The following ANK2 variants were observed in gnomAD, a reference collection of about 807,000 sequenced individuals.
ANK2 encodes the protein ankyrin-2.
ANK2 carries 83 observed loss-of-function variants against 360.5 expected under a neutral mutation model. That is an observed-to-expected ratio of 0.23 (90% CI 0.19 to 0.28). ANK2 has a LOEUF of 0.28. ANK2 is among the 10% of genes least tolerant of loss of function. ANK2 has a pLI of 1.00. For synonymous variants in ANK2, 1,740 were observed against 1,759.5 expected, an observed-to-expected ratio of 0.99 and a Z score of 0.28; for missense variants, 4,201 against 4,795.7, an observed-to-expected ratio of 0.88 and a Z score of 3.66.
rs376550221 is a variant in ANK2, at chr4:113,257,999, G to A, written c.1189-51G>A. On this transcript the variant is annotated intron_variant, in intron 11 of 45. Transcript: ENST00000357077. ...CTGCAATGTGCCAGCATGGAGTTGT[G>A]TGAGAATTGTTTCTGCATGTTTTCA... The A allele has an allele frequency of 1.3e-5, 19 of 1,488,180 alleles. No homozygotes were observed. In the African/African-American group the frequency reaches 2.5e-4, roughly 20 times the overall value. 92.2% of individuals were successfully genotyped at this position (1,488,180 alleles called of 1,614,324 possible).
the ANK2 span, among the ~76,000 whole-genome samples, chr4:112,737,862 A>C: frequency 6.6e-6 from 1 of 152,312 alleles, no homozygotes; most frequent in Non-Finnish European, 1.5e-5. Context: ...TGGAACTGGC[A>C]CAGGACAACT....
intron 1 of ANK2, among the ~76,000 whole-genome samples, chr4:112,865,609 T>C (rs925415390): frequency 6.6e-6 from 1 of 152,026 alleles, no homozygotes; most frequent in African/African-American, 2.4e-5. Flanking sequence ...GGTATGGAGG[T>C]AGGGAACATG....
At chr4:112,898,310 A>G (rs1266396293) in intron 1 of ANK2, among the ~76,000 whole-genome samples, 5 of 152,170 alleles carry the variant, frequency 3.3e-5, no homozygotes, top group Admixed American at 1.3e-4. Context: ...CCAAATTTAT[A>G]TAGTCGTGTC....
intron 17 of ANK2, 136 bp downstream of exon 17, chr4:113,278,694 CT>C (rs1024565703): frequency 1.0e-4 from 84 of 830,740 alleles, no homozygotes; most frequent in Middle Eastern, 2.7e-4. Context: ...TATTGACACC[CT>C]TTTTTTTCCC....
intron 1 of ANK2, among the ~76,000 whole-genome samples, chr4:112,903,262 G>A (rs887496286): frequency 6.6e-6 from 1 of 152,124 alleles, no homozygotes; most frequent in African/African-American, 2.4e-5. Context: ...CTGGTATAAG[G>A]CAGTGATTCT....
At chr4:112,993,445 G>C (rs2047508108) in intron 2 of ANK2, among the ~76,000 whole-genome samples, 1 of 151,690 alleles carries the variant, frequency 6.6e-6, no homozygotes, top group South Asian at 2.1e-4. Flanking sequence ...GGGATTACAG[G>C]TAGCCCGCCA....
chr4:113,336,861 C>A, intron 31 of ANK2, 80 bp downstream of exon 31: 2 of 1,356,774 alleles, frequency 1.5e-6, no homozygotes, highest in Non-Finnish European at 2.1e-6. Flanking sequence ...TTACCTTTGT[C>A]ATAAGATGTC....
intron 7 of ANK2, among the ~76,000 whole-genome samples, chr4:113,239,492 G>C (rs573184854): frequency 7.2e-5 from 11 of 152,200 alleles, no homozygotes; most frequent in African/African-American, 2.6e-4. Flanking sequence ...GGATGTGATA[G>C]CCAAATAACA....
chr4:113,342,506 A>T (rs1326894375), intron 33 of ANK2, among the ~76,000 whole-genome samples: 5 of 152,044 alleles, frequency 3.3e-5, no homozygotes, highest in Non-Finnish European at 7.4e-5. Context: ...TTCGAGACCA[A>T]CCTGGCCAAC....
At chr4:112,833,762 C>G (rs933825282) in intron 1 of ANK2, among the ~76,000 whole-genome samples, 1 of 152,188 alleles carries the variant, frequency 6.6e-6, no homozygotes, top group Non-Finnish European at 1.5e-5. Context: ...CTCGGCCTTC[C>G]AAAGTGCTGG....
Position 113,357,697 on chromosome 4 carries a change from G to C in ANK2, c.9079G>C (p.Gly3027Arg), listed in dbSNP as rs1333513734. 1.9e-6 allele frequency: 3 copies of C among 1,614,124 alleles called. No homozygotes were observed. The South Asian group carries it at 3.3e-5, about 18-fold the overall frequency. Residue 3027 changes from glycine (G) to arginine (R), a missense_variant, in exon 38 of 46, where the codon GGT (glycine) becomes CGT (arginine). By Grantham distance (125) the Gly-to-Arg change is moderately radical. Around this residue, in one of 4 missense-constraint regions of ANK2, gnomAD observed 2,642 missense variants for 2,714.5 expected, o/e 0.97. Transcript: ENST00000357077. ...TATGTCCGCTACAACAACAGTTGTT[G>C]GTGAACAAATAAGCAAAGTCATCAT... ...PTMSATTTVVGEQISKVIITK... is the reference protein window; with the variant it reads ...PTMSATTTVVREQISKVIITK...
At chr4:112,769,488 C>T in the ANK2 span, among the ~76,000 whole-genome samples, 42 of 152,310 alleles carry the variant, frequency 2.8e-4, no homozygotes, top group South Asian at 7.9e-3. Flanking sequence ...CTTGGTTTCT[C>T]TGTTTTTCTT....
chr4:112,893,181 T>A (rs745938562), intron 1 of ANK2, among the ~76,000 whole-genome samples: 12 of 152,134 alleles, frequency 7.9e-5, no homozygotes, highest in Admixed American at 2.0e-4. Context: ...TGATAAAGCA[T>A]ATAAAGTATT....
chr4:113,120,579 A>G (rs1582174512), intron 1 of ANK2, among the ~76,000 whole-genome samples: 1 of 152,162 alleles, frequency 6.6e-6, no homozygotes, highest in Non-Finnish European at 1.5e-5. Flanking sequence ...TGAAAGTAAA[A>G]CATATATTTA....
At chr4:113,315,852 G>A (rs570824943) in intron 24 of ANK2, among the ~76,000 whole-genome samples, 2 of 141,686 alleles carry the variant, frequency 1.4e-5, no homozygotes, top group Non-Finnish European at 3.0e-5. Flanking sequence ...AGCCACGATC[G>A]CGCCACTGCA....
At position 113,258,399 on chromosome 4, in the gene ANK2, T is replaced by C. The variant is rs769013374; in HGVS notation, c.1374T>C (p.Asp458=). The change falls in exon 13 of 46, where the codon GAT becomes GAC. Residue 458 remains aspartate (D), a synonymous_variant. Coordinates refer to ENST00000357077, the MANE Select transcript of ANK2 (RefSeq NM_001148.6). ...TGCTGCAGAACGGAGCCTCTCCAGA[T>C]GTCACTAACATTGTGAGTATGGCTT... ...LLLLQNGASP[D]VTNIRGETAL... is the part of the protein sequence containing the mutation. The C allele has an allele frequency of 6.2e-7, 1 of 1,613,844 alleles. No individual in the cohort carries two copies. Among genetic ancestry groups the C allele is most frequent in the Non-Finnish European group, 8.5e-7 (1 of 1,179,732 alleles).
the ANK2 span, among the ~76,000 whole-genome samples, chr4:112,716,217 T>C: frequency 1.3e-5 from 2 of 152,190 alleles, no homozygotes; most frequent in African/African-American, 4.8e-5. Flanking sequence ...ATGTATTAAA[T>C]GGCAGTAACC....
At chr4:113,018,322 C>CAA (rs1386944174) in intron 2 of ANK2, among the ~76,000 whole-genome samples, 5 of 152,114 alleles carry the variant, frequency 3.3e-5, no homozygotes, top group African/African-American at 1.2e-4. Context: ...TAGTCTTTGA[C>CAA]CATCAATCAA....
chr4:113,319,548 T>A (rs888106627), intron 26 of ANK2, among the ~76,000 whole-genome samples: 3 of 151,890 alleles, frequency 2.0e-5, no homozygotes, highest in Admixed American at 2.0e-4. Context: ...TTATTTTTAT[T>A]ATTCTAAAAT....
Sources: gnomAD v4.1 joint callset for allele counts (sites outside exome capture counted in the v4.1 genomes callset) on GRCh38, gnomAD v4.1.1 for gene constraint, gnomAD v4.1.1 regional missense constraint, MANE v1.5 for transcripts, NCBI Gene and HGNC (gene_info 2026-07-23, HGNC 2026-07-21) for gene names.